The following CENPC variants were observed in gnomAD, a reference collection of about 807,000 sequenced individuals.
CENPC encodes CENP-C 1.
In CENPC, 63 loss-of-function variants were observed where a neutral mutation model predicts 112.1. The observed-to-expected ratio is 0.56, with a 90% CI of 0.46 to 0.69. The LOEUF is 0.69. Ranked by LOEUF, CENPC falls within the 30% of genes least tolerant of loss-of-function variation. The pLI is 0.00. For synonymous variants in CENPC, 333 were observed against 367.6 expected, an observed-to-expected ratio of 0.91 and a Z score of 1.08; for missense variants, 1,000 against 1,103.8, an observed-to-expected ratio of 0.91 and a Z score of 1.33.
At chr4:67,532,514 T>G (rs1025838578) in intron 4 of CENPC, among the ~76,000 whole-genome samples, 1 of 152,086 alleles carries the variant, frequency 6.6e-6, no homozygotes, top group Non-Finnish European at 1.5e-5. Flanking sequence ...CCATCAATGA[T>G]AGAGTGGATT....
At chr4:67,478,805 G>C (rs1381807545) in intron 17 of CENPC, among the ~76,000 whole-genome samples, 1 of 152,036 alleles carries the variant, frequency 6.6e-6, no homozygotes, top group Non-Finnish European at 1.5e-5. Context: ...CACCAACAAA[G>C]TACCTGCTGT....
chr4:67,532,762 G>C (rs1007117920), intron 4 of CENPC, among the ~76,000 whole-genome samples: 1 of 151,880 alleles, frequency 6.6e-6, no homozygotes, highest in Non-Finnish European at 1.5e-5. Context: ...TAGGGGGAGG[G>C]GGGAAGGATA....
At chr4:67,496,594 A>G (rs1159136564) in intron 12 of CENPC, among the ~76,000 whole-genome samples, 1 of 152,232 alleles carries the variant, frequency 6.6e-6, no homozygotes, top group African/African-American at 2.4e-5. Context: ...ATTGAATTAG[A>G]TATTTTATAA....
chr4:67,509,947 C>A (rs964552355), intron 9 of CENPC, among the ~76,000 whole-genome samples: 10 of 152,080 alleles, frequency 6.6e-5, no homozygotes, highest in Admixed American at 5.9e-4. Flanking sequence ...ATATCTACAT[C>A]TAGATTTGCT....
At chr4:67,517,033 G>A (rs908662583) in intron 7 of CENPC, among the ~76,000 whole-genome samples, 5 of 151,950 alleles carry the variant, frequency 3.3e-5, no homozygotes, top group African/African-American at 1.2e-4. Context: ...TAACGCATTT[G>A]TTTCAGATGG....
At chr4:67,509,753 T>C (rs1013099631) in intron 9 of CENPC, among the ~76,000 whole-genome samples, 11 of 152,106 alleles carry the variant, frequency 7.2e-5, no homozygotes, top group African/African-American at 2.4e-4. Flanking sequence ...ATCTGGATTA[T>C]TAAAACAGTC....
chr4:67,499,264 T>G (rs1725525001), intron 12 of CENPC, among the ~76,000 whole-genome samples: 1 of 152,238 alleles, frequency 6.6e-6, no homozygotes, highest in Non-Finnish European at 1.5e-5. Context: ...CCTTGGAAGC[T>G]TTGAAGTCAT....
intron 14 of CENPC, 91 bp from the exon 15 acceptor site, chr4:67,493,088 A>C (rs1424507629): frequency 5.8e-6 from 6 of 1,034,836 alleles, no homozygotes; most frequent in Non-Finnish European, 5.5e-6. Context: ...ATTTCCTTTC[A>C]AAGTACCAAA....
intron 4 of CENPC, among the ~76,000 whole-genome samples, chr4:67,532,786 C>A (rs910311905): frequency 2.6e-5 from 4 of 152,208 alleles, no homozygotes; most frequent in Middle Eastern, 3.4e-3. Context: ...TTAGGAGATA[C>A]ACCTAATGTA....
intron 4 of CENPC, among the ~76,000 whole-genome samples, chr4:67,539,090 T>G (rs1413597669): frequency 1.3e-5 from 2 of 152,206 alleles, no homozygotes; most frequent in African/African-American, 4.8e-5. Context: ...TCTTCAATAT[T>G]AGGCAAACCT....
chr4:67,484,782 T>C (rs983585302), intron 17 of CENPC, among the ~76,000 whole-genome samples: 3 of 152,210 alleles, frequency 2.0e-5, no homozygotes, highest in Admixed American at 1.3e-4. Flanking sequence ...ACTGTAAAGA[T>C]TATCACCTAC....
chr4:67,494,701 C>T (rs1305807986), intron 13 of CENPC, among the ~76,000 whole-genome samples: 1 of 152,212 alleles, frequency 6.6e-6, no homozygotes, highest in Non-Finnish European at 1.5e-5. Context: ...GCAAATATCT[C>T]TTTGGGAACC....
chr4:67,491,642 G>A (rs1220104660), intron 16 of CENPC, among the ~76,000 whole-genome samples: 1 of 151,524 alleles, frequency 6.6e-6, no homozygotes, highest in Non-Finnish European at 1.5e-5. Context: ...ACAGCAGGAG[G>A]CTTCCAGGAC....
intron 2 of CENPC, among the ~76,000 whole-genome samples, 164 bp from the exon 3 acceptor site, chr4:67,541,214 T>C (rs1553898344): frequency 6.6e-6 from 1 of 152,196 alleles, no homozygotes; most frequent in Non-Finnish European, 1.5e-5. Context: ...ATACATTCCC[T>C]CAAGTGAACT....
chr4:67,504,628 T>C (rs1725685150), intron 12 of CENPC, among the ~76,000 whole-genome samples: 1 of 152,044 alleles, frequency 6.6e-6, no homozygotes, highest in African/African-American at 2.4e-5. Context: ...AAGACCAGCC[T>C]GGCCAAGATG....
chr4:67,473,455 C>T (rs1724722881), intron 18 of CENPC, among the ~76,000 whole-genome samples: 1 of 152,178 alleles, frequency 6.6e-6, no homozygotes, highest in Admixed American at 6.5e-5. Context: ...TTGTCTCCTT[C>T]CAACAGAATG....
At position 67,469,984 on chromosome 4, in the gene CENPC, T is replaced by C. The variant is rs192573176; in HGVS notation, c.*2621A>G. On this transcript the variant is annotated 3_prime_UTR_variant, in exon 19 of 19. Transcript: ENST00000273853. ...TGACATCTAATGTGGTAGCCACCAG[T>C]ACCATGTGCTACTAAGCACTTGAAA... The C allele has an allele frequency of 6.6e-6, 1 of 152,352 alleles. No homozygotes were observed. The highest frequency in any genetic ancestry group is 1.5e-5 in the Non-Finnish European group (1 of 68,040). 9.4% of individuals were successfully genotyped at this position (152,352 alleles called of 1,614,324 possible). A position where few individuals can be genotyped will look rare whatever the true frequency, so the allele number is the denominator to read the frequency against.
intron 5 of CENPC, among the ~76,000 whole-genome samples, chr4:67,530,458 G>C (rs1211940814): frequency 6.6e-6 from 1 of 150,790 alleles, no homozygotes; most frequent in Non-Finnish European, 1.5e-5. Flanking sequence ...CACCAATTAA[G>C]GTACAGAACT....
chr4:67,518,244 G>C lies in CENPC; in HGVS notation c.742C>G (p.Arg248Gly). ...CGTTGAATTTCATATTCTGAATCTC[G>C]TATTCTATTCTGAGATGATCCTGAT... Reference protein sequence around the residue: ...KPSGSSQNRIRDSEYEIQRQA... With the variant: ...KPSGSSQNRIGDSEYEIQRQA... The change falls in exon 7 of 19, where the codon CGA (arginine) becomes GGA (glycine). Residue 248 changes from arginine to glycine, a missense_variant. Coordinates refer to ENST00000273853, the MANE Select transcript of CENPC (RefSeq NM_001812.4). The C allele has an allele frequency of 6.4e-7, 1 of 1,558,658 alleles. No individual in the cohort carries two copies. Among genetic ancestry groups the C allele is most frequent in the Non-Finnish European group, 8.7e-7 (1 of 1,151,834 alleles).
Sources: gnomAD v4.1 joint callset for allele counts (sites outside exome capture counted in the v4.1 genomes callset) on GRCh38, gnomAD v4.1.1 for gene constraint, MANE v1.5 for transcripts, NCBI Gene and HGNC (gene_info 2026-07-23, HGNC 2026-07-21) for gene names.